The following TET3 variants were observed in gnomAD, a reference collection of about 807,000 sequenced individuals.
TET3 encodes the protein methylcytosine dioxygenase TET3.
TET3 carries 19 observed loss-of-function variants against 141.4 expected under a neutral mutation model. The observed-to-expected ratio is 0.13, with a 90% CI of 0.09 to 0.20. The LOEUF (loss-of-function observed/expected upper bound fraction) is 0.20, where lower values mean the gene tolerates loss of function less well. Among genes scored for constraint, TET3 ranks in the 10% least tolerant of loss-of-function variants. The pLI is 1.00. For missense variants in TET3, 1,874 were observed against 2,356.9 expected (o/e 0.80, Z 4.24); for synonymous variants, 1,043 against 980.9 (o/e 1.06, Z -1.18).
chr2:74,037,689 G>T (rs1304658990), intron 3 of TET3, among the ~76,000 whole-genome samples: 2 of 152,144 alleles, frequency 1.3e-5, no homozygotes, highest in Non-Finnish European at 2.9e-5. Flanking sequence ...CTTCTAATAT[G>T]GTGTGTAACT....
the TET3 span, chr2:74,122,925 C>G: frequency 6.6e-6 from 1 of 151,814 alleles, no homozygotes; most frequent in Non-Finnish European, 1.5e-5. Flanking sequence ...AACTCCTGGG[C>G]TCAAACGATC....
At position 74,011,206 on chromosome 2, in the gene TET3, C is replaced by T. The variant is rs187537202; in HGVS notation, c.360+8040C>T. On this transcript the variant is annotated intron_variant, in intron 3 of 11. Transcript: ENST00000409262. ...TCGTGCCACTGCACTCCAGCCTGGG[C>T]GACAGAGAGAGACTCCGTTTCAAAA... is the stretch of plus-strand genomic sequence containing the variant. 3.4e-3 allele frequency among the ~76,000 whole-genome samples: 426 copies of T among 126,792 alleles called. 8 individuals carry two copies. In the Admixed American group the frequency reaches 0.034, roughly 10 times the overall value. 83.2% of individuals were successfully genotyped at this position (126,792 alleles called of 152,430 possible).
intron 10 of TET3, among the ~76,000 whole-genome samples, chr2:74,095,343 G>T (rs1425481457): frequency 6.6e-6 from 1 of 152,186 alleles, no homozygotes; most frequent in Non-Finnish European, 1.5e-5. Context: ...TTAGAGAGAC[G>T]AAGGAGCCCA....
Position 74,105,565 on chromosome 2 carries a change from T to G in TET3, c.*3389T>G. 1 of 397,166 alleles carries G rather than the reference T, an allele frequency of 2.5e-6. No homozygotes were observed. Among genetic ancestry groups the G allele is most frequent in the South Asian group, 1.4e-4 (1 of 6,992 alleles). The allele number at this position is 397,166 out of a possible 1,614,324, so 24.6% of individuals were successfully genotyped here. On this transcript the variant is annotated 3_prime_UTR_variant, in exon 12 of 12. Coordinates refer to ENST00000409262, the MANE Select transcript of TET3 (RefSeq NM_001287491.2). ...GTTTCCCACACCCCGGCTTCATGGGTACTGCTTTGCCTTCTCACCAAGGTG... is the reference window on the plus strand; with the variant it reads ...GTTTCCCACACCCCGGCTTCATGGGGACTGCTTTGCCTTCTCACCAAGGTG...
In TET3 at chr2:74,100,535, C is replaced by G. The variant is rs759908897; in HGVS notation, c.3747C>G (p.Ser1249=). Residue 1249 remains serine, a synonymous_variant, in exon 12 of 12, where the codon TCC becomes TCG. Transcript: ENST00000409262. ...CGGTGCTGGGCAACTGCCGGCCCTC[C>G]GACCCTTACAGCATGAACAGCGTGT... ...SYSVLGNCRP[S]DPYSMNSVYS... is the part of the protein sequence containing the mutation. 72 of 1,611,362 alleles carry G rather than the reference C, an allele frequency of 4.5e-5. No individual in the cohort carries two copies. Among genetic ancestry groups the G allele is most frequent in the Non-Finnish European group, 5.7e-5 (67 of 1,178,888 alleles).
chr2:74,051,302 A>T (rs556422282), intron 4 of TET3, among the ~76,000 whole-genome samples: 9 of 152,244 alleles, frequency 5.9e-5, no homozygotes, highest in Non-Finnish European at 1.3e-4. Context: ...ACCTCCAGGA[A>T]CTGGGAGCTA....
chr2:74,098,038 C>T (rs10195457), intron 10 of TET3, among the ~76,000 whole-genome samples: 11,239 of 152,096 alleles, frequency 0.074, 1,409 homozygotes, highest in African/African-American at 0.26. Context: ...ACACCAACAA[C>T]GAGATCGATT....
chr2:74,134,300 GCT>G, the TET3 span, among the ~76,000 whole-genome samples: 1 of 152,184 alleles, frequency 6.6e-6, no homozygotes, highest in South Asian at 2.1e-4. Flanking sequence ...AACCTTCTCA[GCT>G]CTGATACAAC....
In TET3 at chr2:74,107,651, T is replaced by C. The variant is rs1406365307; in HGVS notation, c.*5475T>C. ...GCATATTAATACATTAGACTTAATC[T>C]AGAACCCCTGTAGCTTTTTGATGTG... On this transcript the variant is annotated 3_prime_UTR_variant, in exon 12 of 12. Coordinates refer to ENST00000409262, the MANE Select transcript of TET3 (RefSeq NM_001287491.2). 6.6e-6 allele frequency: 1 copy of C among 152,202 alleles called. No individual in the cohort carries two copies. Among genetic ancestry groups the C allele is most frequent in the Non-Finnish European group, 1.5e-5 (1 of 68,036 alleles). 9.4% of individuals were successfully genotyped at this position (152,202 alleles called of 1,614,324 possible). A position where few individuals can be genotyped will look rare whatever the true frequency, so the allele number is the denominator to read the frequency against.
chr2:74,010,100 A>G (rs1319384384), intron 3 of TET3, among the ~76,000 whole-genome samples: 1 of 152,162 alleles, frequency 6.6e-6, no homozygotes, highest in Non-Finnish European at 1.5e-5. Flanking sequence ...CAGAGGCGTC[A>G]TTTGGACCCT....
intron 3 of TET3, among the ~76,000 whole-genome samples, chr2:74,005,539 T>C (rs1485282686): frequency 5.9e-5 from 9 of 152,114 alleles, no homozygotes; most frequent in Middle Eastern, 3.2e-3. Context: ...CCCTTCCATT[T>C]TCAGGTCGTG....
the TET3 span, among the ~76,000 whole-genome samples, chr2:74,125,289 G>C: frequency 2.0e-5 from 3 of 148,918 alleles, no homozygotes; most frequent in African/African-American, 7.5e-5. Flanking sequence ...GCCTCACTTG[G>C]ATTATTTTTT....
In TET3 at chr2:74,098,594, C is replaced by CT. The variant is rs201277726; in HGVS notation, c.3268-681dup. The stretch of plus-strand genomic sequence containing the variant: ...CATAGAGTTTATAATAAAAAGGAAA[C>CT]TCTTTTTTTTTTTTTTTGAGACGGA... On this transcript the variant is annotated intron_variant, in intron 10 of 11. Transcript: ENST00000409262. Among the ~76,000 whole-genome samples the CT allele has an allele frequency of 4.4e-4, 57 of 130,580 alleles. 1 individual carries two copies. Among genetic ancestry groups the CT allele is most frequent in the East Asian group, 6.2e-4 (3 of 4,866 alleles). 85.7% of individuals were successfully genotyped at this position (130,580 alleles called of 152,430 possible). A position where few individuals can be genotyped will look rare whatever the true frequency, so the allele number is the denominator to read the frequency against.
Position 74,089,907 on chromosome 2 carries a change from G to A in TET3, c.2899G>A (p.Ala967Thr). The A allele has an allele frequency of 6.2e-7, 1 of 1,614,032 alleles. No homozygotes were observed. The highest frequency in any genetic ancestry group is 8.5e-7 in the Non-Finnish European group (1 of 1,179,894). ...RCGLNDDRTCACQGKDPNTCG... is the reference protein window; with the variant it reads ...RCGLNDDRTCTCQGKDPNTCG... The stretch of plus-strand genomic sequence containing the variant: ...TGCTGTGTGTTGCAGCCGGACCTGC[G>A]CTTGCCAAGGCAAAGACCCCAACAC... The change falls in exon 8 of 12, where the codon GCT becomes ACT. Residue 967 changes from alanine (A) to threonine (T), a missense_variant. Transcript: ENST00000409262.
chr2:74,063,804 A>G (rs1420097261), intron 4 of TET3, among the ~76,000 whole-genome samples: 3 of 151,594 alleles, frequency 2.0e-5, no homozygotes, highest in Non-Finnish European at 4.4e-5. Flanking sequence ...TCTGCCTGCA[A>G]TCCCAGCACT....
At chr2:74,007,750 T>C (rs1685217809) in intron 3 of TET3, among the ~76,000 whole-genome samples, 1 of 152,234 alleles carries the variant, frequency 6.6e-6, no homozygotes, top group South Asian at 2.1e-4. Context: ...GTGAGGGGAT[T>C]GCCTTCCAAA....
At chr2:74,041,722 A>C (rs1041121486) in intron 3 of TET3, among the ~76,000 whole-genome samples, 2 of 152,100 alleles carry the variant, frequency 1.3e-5, no homozygotes, top group Non-Finnish European at 2.9e-5. Flanking sequence ...GGGTTATAAG[A>C]CCCTTTGAAG....
At chr2:74,118,371 C>T in the TET3 span, among the ~76,000 whole-genome samples, 11 of 152,286 alleles carry the variant, frequency 7.2e-5, no homozygotes, top group African/African-American at 2.2e-4. Context: ...AGTTGCCCAC[C>T]ATTTCAGACA....
At chr2:74,099,633 C>T (rs775150611) in intron 11 of TET3, 21 bp downstream of exon 11, 27 of 1,525,874 alleles carry the variant, frequency 1.8e-5, no homozygotes, top group East Asian at 9.8e-5. Flanking sequence ...GGAGGGTGCC[C>T]GCTTGGAGTC....
Sources: allele counts gnomAD v4.1 joint callset (sites outside exome capture counted in the v4.1 genomes callset), GRCh38; gene constraint gnomAD v4.1.1; transcripts MANE v1.5; gene names NCBI Gene and HGNC (gene_info 2026-07-23, HGNC 2026-07-21).